MLLT10: variants seen among roughly 807,000 people sequenced by gnomAD.
MLLT10 encodes the protein MLLT10 histone lysine methyltransferase DOT1L cofactor, also known as protein AF-10.
In MLLT10, 30 loss-of-function variants were observed where a neutral mutation model predicts 129.1. The ratio of observed to expected loss-of-function variants is 0.23; its 90% CI spans 0.17 to 0.32. The LOEUF (loss-of-function observed/expected upper bound fraction) is 0.32. Among genes scored for constraint, MLLT10 ranks in the 10% least tolerant of loss-of-function variants. The pLI is 1.00. For synonymous variants in MLLT10, 490 were observed against 446.4 expected (o/e 1.10, Z -1.23); for missense variants, 1,119 against 1,268.3 (o/e 0.88, Z 1.79).
intron 5 of MLLT10, among the ~76,000 whole-genome samples, chr10:21,603,064 T>TG (rs1207842350): frequency 6.6e-6 from 1 of 150,426 alleles, no homozygotes; most frequent in African/African-American, 2.4e-5. Flanking sequence ...ATTTTTTTCT[T>TG]TTTTTTTTGA....
intron 5 of MLLT10, among the ~76,000 whole-genome samples, chr10:21,601,491 C>CA (rs1251350537): frequency 6.6e-6 from 1 of 152,202 alleles, no homozygotes; most frequent in Non-Finnish European, 1.5e-5. Flanking sequence ...TAATCTCACT[C>CA]ACCAACATTG....
chr10:21,704,347 CTCTCTCTCTCTATATATATA>C (rs1439572651), intron 13 of MLLT10, among the ~76,000 whole-genome samples: 18 of 60,706 alleles, frequency 3.0e-4, no homozygotes, highest in East Asian at 4.5e-3. Context: ...CTCTCTCTCT[CTCTCTCTCTCTATATATATA>C]TATATATATA....
intron 5 of MLLT10, among the ~76,000 whole-genome samples, chr10:21,606,687 C>A (rs1165425301): frequency 6.6e-6 from 1 of 152,188 alleles, no homozygotes; most frequent in African/African-American, 2.4e-5. Flanking sequence ...TTGCTGCAAT[C>A]TCATGGTCAA....
At chr10:21,593,926 TA>T (rs61561146) in intron 4 of MLLT10, among the ~76,000 whole-genome samples, 1,327 of 45,356 alleles carry the variant, frequency 0.029, 9 homozygotes, top group African/African-American at 0.053. Context: ...GCTTTGTCTT[TA>T]AAAAAAAAAA....
chr10:21,646,871 T>TTTC (rs1554830640), intron 8 of MLLT10, among the ~76,000 whole-genome samples: 1 of 151,332 alleles, frequency 6.6e-6, no homozygotes, highest in Non-Finnish European at 1.5e-5. Flanking sequence ...TTTTTTTTTT[T>TTTC]CTGAGACGGA....
chr10:21,702,541 T>C (rs2055030687), intron 13 of MLLT10, among the ~76,000 whole-genome samples: 1 of 152,244 alleles, frequency 6.6e-6, no homozygotes, highest in African/African-American at 2.4e-5. Context: ...TCTCTCACTA[T>C]TATTGTATTG....
intron 9 of MLLT10, among the ~76,000 whole-genome samples, chr10:21,664,787 A>T (rs765472048): frequency 6.6e-6 from 1 of 152,132 alleles, no homozygotes; most frequent in African/African-American, 2.4e-5. Context: ...TGAGTAAGCC[A>T]CTGTATTTTG....
At position 21,673,532 on chromosome 10, in the gene MLLT10, A is replaced by C; in HGVS notation, c.1234A>C (p.Asn412His). 1 of 1,613,578 alleles carries C rather than the reference A, an allele frequency of 6.2e-7. No individual in the cohort carries two copies. The highest frequency in any genetic ancestry group is 8.5e-7 in the Non-Finnish European group (1 of 1,179,834). ...GESGSQEGGV[N>H]SFSTLIGLPS... is the part of the protein sequence containing the mutation. ...GTCTGGAAGCCAGGAAGGGGGGGTA[A>C]ATAGTTTTAGTACCTTAATTGGCCT... Residue 412 changes from asparagine (N) to histidine (H), a missense_variant, in exon 11 of 23, where the codon AAT becomes CAT. Asn to His is a moderately conservative substitution (Grantham distance 68, BLOSUM62 1). This residue lies in a region of MLLT10 where 1,004 missense variants were observed against 1,008.7 expected (regional missense o/e 1.00). Coordinates refer to ENST00000307729, the MANE Select transcript of MLLT10 (RefSeq NM_001195626.3).
chr10:21,671,380 G>A (rs941790175), intron 10 of MLLT10, among the ~76,000 whole-genome samples: 1 of 152,146 alleles, frequency 6.6e-6, no homozygotes, highest in African/African-American at 2.4e-5. Context: ...GGTTGGCCGG[G>A]CGTGGTGGCT....
intron 16 of MLLT10, among the ~76,000 whole-genome samples, chr10:21,728,865 A>AG (rs2057721527): frequency 6.9e-6 from 1 of 144,860 alleles, no homozygotes; most frequent in African/African-American, 2.6e-5. Context: ...CCATGTCTAC[A>AG]ATTTTTTTTT....
intron 9 of MLLT10, among the ~76,000 whole-genome samples, chr10:21,665,974 T>G (rs960019752): frequency 1.3e-5 from 2 of 151,930 alleles, no homozygotes; most frequent in African/African-American, 4.8e-5. Flanking sequence ...GTTCTGGAAT[T>G]ACAGTGTGAG....
intron 13 of MLLT10, among the ~76,000 whole-genome samples, chr10:21,711,660 C>T (rs535310392): frequency 1.3e-5 from 2 of 151,610 alleles, no homozygotes; most frequent in Non-Finnish European, 2.9e-5. Context: ...GCAGGAGGGT[C>T]GCTTGGCCCA....
intron 13 of MLLT10, among the ~76,000 whole-genome samples, chr10:21,698,420 A>C (rs984830327): frequency 2.0e-5 from 3 of 152,206 alleles, no homozygotes; most frequent in Non-Finnish European, 4.4e-5. Context: ...TTATGGCCAA[A>C]TAGTATTCCA....
At chr10:21,608,832 T>TTTGA (rs2044316089) in intron 5 of MLLT10, among the ~76,000 whole-genome samples, 1 of 152,198 alleles carries the variant, frequency 6.6e-6, no homozygotes, top group Non-Finnish European at 1.5e-5. Flanking sequence ...TTTCCATTTG[T>TTTGA]TTGAGGTCTT....
intron 22 of MLLT10, 79 bp downstream of exon 22, chr10:21,740,315 T>C: frequency 6.7e-7 from 1 of 1,494,668 alleles, no homozygotes; most frequent in Non-Finnish European, 9.2e-7. Flanking sequence ...TCCAGCCTGG[T>C]TTTGTTCCCC....
intron 3 of MLLT10, among the ~76,000 whole-genome samples, chr10:21,558,833 T>A (rs2038420434): frequency 6.6e-6 from 1 of 152,250 alleles, no homozygotes; most frequent in South Asian, 2.1e-4. Flanking sequence ...GTGTTCTTTT[T>A]ATGTGCCTTT....
chr10:21,629,963 T>A (rs1272389684), intron 8 of MLLT10, among the ~76,000 whole-genome samples: 1 of 152,170 alleles, frequency 6.6e-6, no homozygotes, highest in African/African-American at 2.4e-5. Flanking sequence ...CCTCATCTCT[T>A]AAAACAAAAA....
intron 3 of MLLT10, among the ~76,000 whole-genome samples, chr10:21,581,664 G>T (rs2041472493): frequency 1.3e-5 from 2 of 152,166 alleles, no homozygotes. Flanking sequence ...TTCTCTTGCG[G>T]TCTGATGGTT....
chr10:21,616,210 C>T (rs2045236116), intron 7 of MLLT10, among the ~76,000 whole-genome samples: 1 of 151,774 alleles, frequency 6.6e-6, no homozygotes, highest in Non-Finnish European at 1.5e-5. Flanking sequence ...GTGTAATAAG[C>T]ATATTGAAAT....
Sources: allele counts gnomAD v4.1 joint callset (sites outside exome capture counted in the v4.1 genomes callset), GRCh38; gene constraint gnomAD v4.1.1; regional missense constraint gnomAD v4.1.1; transcripts MANE v1.5; gene names NCBI Gene and HGNC (gene_info 2026-07-23, HGNC 2026-07-21).